The following BANK1 variants were observed in gnomAD, a reference collection of about 807,000 sequenced individuals.
The protein encoded by BANK1 is B cell scaffold protein with ankyrin repeats 1.
BANK1 carries 95 observed loss-of-function variants against 94.5 expected under a neutral mutation model. That is an observed-to-expected ratio of 1.00 (90% confidence interval 0.85 to 1.19). The LOEUF is 1.19. Ranked by LOEUF, BANK1 falls within the 50% of genes most tolerant of loss-of-function variation. The pLI is 0.00. For synonymous variants in BANK1, 334 were observed against 308.4 expected, an observed-to-expected ratio of 1.08 and a Z score of -0.87; for missense variants, 987 against 932.2, an observed-to-expected ratio of 1.06 and a Z score of -0.77.
intron 10 of BANK1, chr4:102,036,762 C>T (rs1009126416): frequency 6.6e-6 from 1 of 152,190 alleles, no homozygotes; most frequent in Non-Finnish European, 1.5e-5. Flanking sequence ...CTGTCATTCT[C>T]ACAGTAGAAC....
chr4:101,921,670 C>T (rs1240941436), intron 7 of BANK1, among the ~76,000 whole-genome samples: 2 of 151,896 alleles, frequency 1.3e-5, no homozygotes, highest in African/African-American at 2.4e-5. Flanking sequence ...TCCTCGTTGG[C>T]CAGCTATGGA....
chr4:101,899,113 C>A (rs1414459074), intron 6 of BANK1, among the ~76,000 whole-genome samples: 1 of 151,256 alleles, frequency 6.6e-6, no homozygotes, highest in Admixed American at 6.6e-5. Flanking sequence ...CATTTTAAAC[C>A]CCCTGAGAAG....
At chr4:101,874,791 G>T (rs1728426695) in intron 5 of BANK1, among the ~76,000 whole-genome samples, 1 of 152,088 alleles carries the variant, frequency 6.6e-6, no homozygotes, top group Non-Finnish European at 1.5e-5. Flanking sequence ...TTTAATGCAT[G>T]AACACTGTGT....
intron 7 of BANK1, among the ~76,000 whole-genome samples, chr4:101,922,053 T>TGA (rs1723018383): frequency 6.7e-6 from 1 of 150,152 alleles, no homozygotes; most frequent in Non-Finnish European, 1.5e-5. Context: ...TGTGTGTGTG[T>TGA]GTGAGACAGA....
intron 11 of BANK1, among the ~76,000 whole-genome samples, chr4:102,052,142 A>G (rs997059398): frequency 7.7e-6 from 1 of 129,268 alleles, no homozygotes; most frequent in African/African-American, 3.1e-5. Context: ...TTTTTGAGAC[A>G]GAGTCTCGCT....
intron 2 of BANK1, among the ~76,000 whole-genome samples, chr4:101,832,660 G>A (rs79725948): frequency 0.062 from 9,443 of 152,032 alleles, 724 homozygotes; most frequent in South Asian, 0.17. Context: ...TTCATCTCTT[G>A]TTCTTAATTC....
chr4:101,997,526 T>A (rs1008501182), intron 7 of BANK1, among the ~76,000 whole-genome samples: 1 of 152,128 alleles, frequency 6.6e-6, no homozygotes, highest in African/African-American at 2.4e-5. Flanking sequence ...TCTTGTAGAA[T>A]TTAGCTGTGA....
chr4:101,907,828 C>T (rs1266794377), intron 6 of BANK1, among the ~76,000 whole-genome samples: 7 of 152,056 alleles, frequency 4.6e-5, no homozygotes, highest in Non-Finnish European at 8.8e-5. Context: ...GAATAAAATA[C>T]CTAGGAATCC....
At chr4:101,946,079 G>A (rs1253802766) in intron 7 of BANK1, among the ~76,000 whole-genome samples, 1 of 151,698 alleles carries the variant, frequency 6.6e-6, no homozygotes, top group Non-Finnish European at 1.5e-5. Context: ...ACTTAATTTT[G>A]GATTATTAAC....
chr4:101,899,643 A>T (rs376648351), intron 6 of BANK1, among the ~76,000 whole-genome samples: 1 of 152,204 alleles, frequency 6.6e-6, no homozygotes, highest in Non-Finnish European at 1.5e-5. Context: ...GAATTTTGAA[A>T]AGGTATGCTT....
chr4:101,931,437 G>T lies in BANK1; in HGVS notation c.1206+13248G>T, dbSNP rs182043730. Among the ~76,000 whole-genome samples, 48 of 151,486 alleles carry T rather than the reference G, an allele frequency of 3.2e-4. 1 individual carries two copies. The highest frequency in any genetic ancestry group is 1.2e-3 in the Admixed American group (18 of 15,168). On this transcript the variant is annotated intron_variant, in intron 7 of 16. Transcript: ENST00000322953. ...ACCAGCCCTTTCTGTATTTCCTTCT[G>T]CTAGCCTTTGGACTAGAACTATACC...
intron 2 of BANK1, among the ~76,000 whole-genome samples, chr4:101,837,703 G>T (rs1726882230): frequency 6.6e-6 from 1 of 151,942 alleles, no homozygotes; most frequent in African/African-American, 2.4e-5. Flanking sequence ...TCATTCTCAT[G>T]TATATTGAAG....
intron 5 of BANK1, among the ~76,000 whole-genome samples, chr4:101,890,267 G>A (rs181385393): frequency 1.9e-4 from 29 of 152,136 alleles, no homozygotes; most frequent in African/African-American, 7.0e-4. Flanking sequence ...AGATATTTAA[G>A]TCATCACTGT....
intron 13 of BANK1, among the ~76,000 whole-genome samples, chr4:102,063,870 A>G (rs1430170354): frequency 6.6e-6 from 1 of 151,840 alleles, no homozygotes; most frequent in Non-Finnish European, 1.5e-5. Context: ...GCTTTTTAAT[A>G]AGTTAAAATA....
At chr4:101,969,248 AAAATC>A (rs1376112568) in intron 7 of BANK1, among the ~76,000 whole-genome samples, 1 of 152,100 alleles carries the variant, frequency 6.6e-6, no homozygotes, top group Non-Finnish European at 1.5e-5. Context: ...TTTTTTTAAA[AAAATC>A]AAACTAGAAA....
intron 5 of BANK1, among the ~76,000 whole-genome samples, chr4:101,874,410 G>A (rs955938232): frequency 1.6e-4 from 25 of 152,066 alleles, no homozygotes; most frequent in African/African-American, 5.6e-4. Context: ...TCTTCCCATC[G>A]AGAGATACTG....
Position 101,923,754 on chromosome 4 carries a change from A to T in BANK1, c.1206+5565A>T, listed in dbSNP as rs560636504. Among the ~76,000 whole-genome samples the T allele has an allele frequency of 5.3e-5, 8 of 151,996 alleles. No homozygotes were observed. In the East Asian group the frequency reaches 9.7e-4, roughly 18 times the overall value. On this transcript the variant is annotated intron_variant, in intron 7 of 16. Coordinates refer to ENST00000322953, the MANE Select transcript of BANK1 (RefSeq NM_017935.5). ...ATGTGCAGTTGTGTGAAGAAGGCAG[A>T]GTAGGTAAACTCTGACTTCTTAGGC... is the stretch of plus-strand genomic sequence containing the variant.
intron 10 of BANK1, 102 bp from the exon 11 acceptor site, chr4:102,043,733 TACTC>T (rs1190214173): frequency 4.9e-6 from 3 of 616,850 alleles, no homozygotes; most frequent in Admixed American, 2.5e-5. Flanking sequence ...CAGGAACTGA[TACTC>T]AGGAAAATGA....
intron 7 of BANK1, among the ~76,000 whole-genome samples, chr4:102,007,026 C>T (rs1162279983): frequency 7.6e-6 from 1 of 131,830 alleles, no homozygotes; most frequent in African/African-American, 2.8e-5. Context: ...AAAAAGAATA[C>T]TATCTTAATG....
Sources: gnomAD v4.1 joint callset for allele counts (sites outside exome capture counted in the v4.1 genomes callset) on GRCh38, gnomAD v4.1.1 for gene constraint, MANE v1.5 for transcripts, NCBI Gene and HGNC (gene_info 2026-07-23, HGNC 2026-07-21) for gene names.